C1QL4: variants seen among roughly 807,000 people sequenced by gnomAD.
C1QL4 encodes the protein complement C1q-like protein 4.
Under a neutral mutation model 13.4 loss-of-function variants are expected in C1QL4, and 5 were observed. That is an observed-to-expected ratio of 0.37 (90% CI 0.19 to 0.78). The LOEUF (loss-of-function observed/expected upper bound fraction) is 0.78, where lower values mean the gene tolerates loss of function less well. Ranked by LOEUF, C1QL4 falls within the 30% of genes least tolerant of loss-of-function variation. The pLI is 0.47. For synonymous variants in C1QL4, 168 were observed against 153.9 expected, an observed-to-expected ratio of 1.09 and a Z score of -0.68; for missense variants, 367 against 361.6, an observed-to-expected ratio of 1.01 and a Z score of -0.12.
At chr12:49,333,288 G>T in intron 1 of C1QL4, 55 bp from the exon 2 acceptor site, 1 of 1,546,268 alleles carries the variant, frequency 6.5e-7, no homozygotes. Context: ...GTGACGAGAG[G>T]GGTCGGGGCG....
Position 49,336,075 on chromosome 12 carries a change from C to T in C1QL4, c.403G>A (p.Val135Met), listed in dbSNP as rs779720710. The stretch of plus-strand genomic sequence containing the variant: ...CTGGCTGCCTCGTAGGCGTTGCCCA[C>T]GTTGGTCACCACGTCGTCGAAGCGC... Reference protein sequence around the residue: ...VLRFDDVVTNVGNAYEAASGK... With the variant: ...VLRFDDVVTNMGNAYEAASGK... Residue 135 changes from valine (V) to methionine (M), a missense_variant, in exon 1 of 2, where the codon GTG (valine) becomes ATG (methionine). Val to Met is a conservative substitution (Grantham distance 21). Coordinates refer to ENST00000334221, the MANE Select transcript of C1QL4 (RefSeq NM_001008223.2). The surrounding 1 kb of genome is among the most constrained non-coding windows in gnomAD (Gnocchi z 7.7). 4 of 1,612,478 alleles carry T rather than the reference C, an allele frequency of 2.5e-6. No individual in the cohort carries two copies. The highest frequency in any genetic ancestry group is 1.9e-4 in the Middle Eastern group (1 of 5,162).
At position 49,335,921 on chromosome 12, in the gene C1QL4, T is replaced by G. The variant is rs767546603; in HGVS notation, c.537+20A>C. 3 of 1,588,092 alleles carry G rather than the reference T, an allele frequency of 1.9e-6. No homozygotes were observed. In the East Asian group the frequency reaches 6.9e-5, roughly 36 times the overall value. On this transcript the variant is annotated intron_variant, in intron 1 of 1. Coordinates refer to ENST00000334221, the MANE Select transcript of C1QL4 (RefSeq NM_001008223.2). ...AGAGAGCGACCAGTCTGAGCTGGGTTGGGGAGAGGGGCATCTCACCTGTCC... is the reference window on the plus strand; with the variant it reads ...AGAGAGCGACCAGTCTGAGCTGGGTGGGGGAGAGGGGCATCTCACCTGTCC...
rs565969136 is a variant in C1QL4 at position 49,336,486 on chromosome 12, C to A, written c.-9G>T. On this transcript the variant is annotated 5_prime_UTR_variant, in exon 1 of 2. Transcript: ENST00000334221. This position sits in a 1 kb window ranked among gnomAD's most constrained non-coding sequence, Gnocchi z 7.7. ...AGCAGCAGCAGCACCATGGCCACTC[C>A]GACGGCCGCGCCCGCCACCCTCTTG... 3 of 1,491,530 alleles carry A rather than the reference C, an allele frequency of 2.0e-6. No homozygotes were observed. The highest frequency in any genetic ancestry group is 2.7e-5 in the East Asian group (1 of 37,366). The allele number at this position is 1,491,530 out of a possible 1,614,324, so 92.4% of individuals were successfully genotyped here. A position where few individuals can be genotyped will look rare whatever the true frequency, so the allele number is the denominator to read the frequency against.
At chr12:49,334,536 T>G (rs1031748395) in intron 1 of C1QL4, among the ~76,000 whole-genome samples, 3 of 152,192 alleles carry the variant, frequency 2.0e-5, no homozygotes, top group Non-Finnish European at 2.9e-5. Flanking sequence ...ATTAACTCAT[T>G]AATTATTCAT....
In C1QL4 at chr12:49,336,104, A is replaced by C. The variant is rs1470944053; in HGVS notation, c.374T>G (p.Val125Gly). The change falls in exon 1 of 2, where the codon GTG becomes GGG. Residue 125 changes from valine to glycine, a missense_variant. Physicochemically the swap from Val to Gly is moderately radical, Grantham distance 109. Transcript: ENST00000334221. This position sits in a 1 kb window ranked among gnomAD's most constrained non-coding sequence, Gnocchi z 7.7. Reference protein sequence around the residue: ...GLRRPHEGYEVLRFDDVVTNV... With the variant: ...GLRRPHEGYEGLRFDDVVTNV... ...GGTCACCACGTCGTCGAAGCGCAGC[A>C]CCTCGTAACCCTCGTGGGGCCGCCG... The C allele has an allele frequency of 6.2e-7, 1 of 1,611,948 alleles. No homozygotes were observed. The highest frequency in any genetic ancestry group is 2.2e-5 in the East Asian group (1 of 44,864).
intron 1 of C1QL4, among the ~76,000 whole-genome samples, chr12:49,334,145 A>G (rs1943613250): frequency 6.6e-6 from 1 of 152,158 alleles, no homozygotes; most frequent in Admixed American, 6.5e-5. Context: ...GTGAGCCGAG[A>G]TAGCGCCATT....
At position 49,336,584 on chromosome 12, in the gene C1QL4, G is replaced by C. The variant is rs1227194579; in HGVS notation, c.-107C>G. On this transcript the variant is annotated 5_prime_UTR_variant, in exon 1 of 2. Coordinates refer to ENST00000334221, the MANE Select transcript of C1QL4 (RefSeq NM_001008223.2). The surrounding 1 kb of genome is among the most constrained non-coding windows in gnomAD (Gnocchi z 7.7). ...CTTGGGCGCAATGGCTGCCGGGGCC[G>C]GGGCTCTCCGCGGGCCAGGAGGCGG... The C allele has an allele frequency of 1.6e-6, 2 of 1,276,472 alleles. No individual in the cohort carries two copies. Among genetic ancestry groups the C allele is most frequent in the South Asian group, 1.8e-5 (1 of 54,436 alleles). The allele number at this position is 1,276,472 out of a possible 1,614,324, so 79.1% of individuals were successfully genotyped here. A position where few individuals can be genotyped will look rare whatever the true frequency, so the allele number is the denominator to read the frequency against.
intron 1 of C1QL4, among the ~76,000 whole-genome samples, chr12:49,333,827 C>G (rs1256441611): frequency 6.6e-6 from 1 of 151,606 alleles, no homozygotes; most frequent in Non-Finnish European, 1.5e-5. Flanking sequence ...CGTGAGCCAC[C>G]GCGCCTGGCT....
Position 49,336,447 on chromosome 12 carries a change from G to A in C1QL4, c.31C>T (p.Leu11=). ...GGCCCGCGGGAGCTGTGCACCAGCAGCGGGATGGCCACCAGCAGCAGCAGC... is the reference window on the plus strand; with the variant it reads ...GGCCCGCGGGAGCTGTGCACCAGCAACGGGATGGCCACCAGCAGCAGCAGC... MVLLLLVAIP[L]LVHSSRGPAH... Residue 11 remains leucine, a synonymous_variant, in exon 1 of 2, where the codon CTG becomes TTG. Coordinates refer to ENST00000334221, the MANE Select transcript of C1QL4 (RefSeq NM_001008223.2). This position sits in a 1 kb window ranked among gnomAD's most constrained non-coding sequence, Gnocchi z 7.7. 1 of 1,549,590 alleles carries A rather than the reference G, an allele frequency of 6.5e-7. No homozygotes were observed. Among genetic ancestry groups the A allele is most frequent in the Non-Finnish European group, 8.6e-7 (1 of 1,161,128 alleles).
At chr12:49,334,571 T>C (rs924844152) in intron 1 of C1QL4, among the ~76,000 whole-genome samples, 20 of 152,098 alleles carry the variant, frequency 1.3e-4, no homozygotes, top group African/African-American at 4.6e-4. Flanking sequence ...CTATTTACCG[T>C]CCCCAGGGCC....
Position 49,333,090 on chromosome 12 carries a change from G to A in C1QL4, c.681C>T (p.Tyr227=), listed in dbSNP as rs1291757814. 1 of 1,614,044 alleles carries A rather than the reference G, an allele frequency of 6.2e-7. No homozygotes were observed. The highest frequency in any genetic ancestry group is 8.5e-7 in the Non-Finnish European group (1 of 1,179,946). Residue 227 remains tyrosine (Y), a synonymous_variant, in exon 2 of 2, where the codon TAC becomes TAT. Coordinates refer to ENST00000334221, the MANE Select transcript of C1QL4 (RefSeq NM_001008223.2). ...GKVHGGNTNK[Y]STFSGFIIYP... ...AGATGATGAAGCCGGAGAAGGTGCT[G>A]TACTTGTTGGTGTTGCCGCCGTGCA...
At chr12:49,334,221 G>C (rs1437320007) in intron 1 of C1QL4, among the ~76,000 whole-genome samples, 1 of 152,182 alleles carries the variant, frequency 6.6e-6, no homozygotes, top group African/African-American at 2.4e-5. Context: ...ATAAAATTTT[G>C]CCTATAGGAT....
chr12:49,334,616 T>C (rs554328105), intron 1 of C1QL4, among the ~76,000 whole-genome samples: 1 of 152,266 alleles, frequency 6.6e-6, no homozygotes, highest in Non-Finnish European at 1.5e-5. Flanking sequence ...GAGTGGGAGC[T>C]GCGCAGTCCC....
At chr12:49,334,032 A>G (rs1417938909) in intron 1 of C1QL4, among the ~76,000 whole-genome samples, 1 of 151,422 alleles carries the variant, frequency 6.6e-6, no homozygotes, top group Non-Finnish European at 1.5e-5. Flanking sequence ...CGTCTCTACT[A>G]AAAATACAAA....
At position 49,336,026 on chromosome 12, in the gene C1QL4, G is replaced by A. The variant is rs1270311689; in HGVS notation, c.452C>T (p.Pro151Leu). 2 of 1,611,718 alleles carry A rather than the reference G, an allele frequency of 1.2e-6. No individual in the cohort carries two copies. The highest frequency in any genetic ancestry group is 1.1e-5 in the South Asian group (1 of 90,892). Residue 151 changes from proline to leucine, a missense_variant, in exon 1 of 2, where the codon CCA (proline) becomes CTA (leucine). Pro to Leu is a moderately conservative substitution (Grantham distance 98). Transcript: ENST00000334221. The surrounding 1 kb of genome is among the most constrained non-coding windows in gnomAD (Gnocchi z 7.7). Reference protein sequence around the residue: ...AASGKFTCPMPGVYFFAYHVL... With the variant: ...AASGKFTCPMLGVYFFAYHVL... ...GTGGTAAGCGAAGAAGTAGACGCCT[G>A]GCATGGGGCAAGTAAACTTGCCGCT...
chr12:49,333,039 C>A lies in C1QL4; in HGVS notation c.*15G>T, dbSNP rs760244660. 3 of 1,585,740 alleles carry A rather than the reference C, an allele frequency of 1.9e-6. No individual in the cohort carries two copies. The highest frequency in any genetic ancestry group is 2.6e-6 in the Non-Finnish European group (3 of 1,163,004). On this transcript the variant is annotated 3_prime_UTR_variant, in exon 2 of 2. Transcript: ENST00000334221. ...GGGAGAGAAGGGGCGAGCGGGGGCA[C>A]GGGGCGGGGCCGGCTCAGTCGGGGT...
Position 49,337,113 on chromosome 12 carries a change from G to T in C1QL4, c.-636C>A, listed in dbSNP as rs1027490044. Reference sequence around the variant, plus strand: ...CCAGTCCCTGCTAGAGCCCTGGCCCGCGCCTCTCTCCTGCGGGCGCGGTCC... The same window carrying T: ...CCAGTCCCTGCTAGAGCCCTGGCCCTCGCCTCTCTCCTGCGGGCGCGGTCC... On this transcript the variant is annotated 5_prime_UTR_variant, in exon 1 of 2. Transcript: ENST00000334221. 3 of 152,214 alleles carry T rather than the reference G, an allele frequency of 2.0e-5. No homozygotes were observed. The highest frequency in any genetic ancestry group is 7.2e-5 in the African/African-American group (3 of 41,440). The allele number at this position is 152,214 out of a possible 1,614,324, so 9.4% of individuals were successfully genotyped here.
Position 49,336,345 on chromosome 12 carries a change from C to G in C1QL4, c.133G>C (p.Ala45Pro). The change falls in exon 1 of 2, where the codon GCG (alanine) becomes CCG (proline). Residue 45 changes from alanine (A) to proline (P), a missense_variant. Physicochemically the swap from Ala to Pro is conservative, Grantham distance 27. Coordinates refer to ENST00000334221, the MANE Select transcript of C1QL4 (RefSeq NM_001008223.2). The surrounding 1 kb of genome is among the most constrained non-coding windows in gnomAD (Gnocchi z 7.7). ...GGGAAGGGGGGCACGGAAGCAGGCG[C>G]GCCGTCGGGACCAGGGCCACGGGGC... ...HGPRGPGPDG[A>P]PASVPPFPPG... 7.0e-7 allele frequency: 1 copy of G among 1,428,300 alleles called. No individual in the cohort carries two copies. Among genetic ancestry groups the G allele is most frequent in the South Asian group, 1.5e-5 (1 of 67,458 alleles). The allele number at this position is 1,428,300 out of a possible 1,614,324, so 88.5% of individuals were successfully genotyped here. A position where few individuals can be genotyped will look rare whatever the true frequency, so the allele number is the denominator to read the frequency against.
Position 49,336,326 on chromosome 12 carries a change from G to T in C1QL4, c.152C>A (p.Pro51His), listed in dbSNP as rs749355760. ...CTCTCCCTTGGCGCCTGGCGGGAAG[G>T]GGGGCACGGAAGCAGGCGCGCCGTC... is the stretch of plus-strand genomic sequence containing the variant. ...GPDGAPASVPPFPPGAKGEVG... is the reference protein window; with the variant it reads ...GPDGAPASVPHFPPGAKGEVG... Residue 51 changes from proline to histidine, a missense_variant, in exon 1 of 2, where the codon CCC (proline) becomes CAC (histidine). Coordinates refer to ENST00000334221, the MANE Select transcript of C1QL4 (RefSeq NM_001008223.2). The surrounding 1 kb of genome is among the most constrained non-coding windows in gnomAD (Gnocchi z 7.7). 2.8e-6 allele frequency: 4 copies of T among 1,421,978 alleles called. No individual in the cohort carries two copies. The highest frequency in any genetic ancestry group is 3.6e-6 in the Non-Finnish European group (4 of 1,097,470). The allele number at this position is 1,421,978 out of a possible 1,614,324, so 88.1% of individuals were successfully genotyped here. A position where few individuals can be genotyped will look rare whatever the true frequency, so the allele number is the denominator to read the frequency against.
Sources: allele counts gnomAD v4.1 joint callset (sites outside exome capture counted in the v4.1 genomes callset), GRCh38; gene constraint gnomAD v4.1.1; non-coding constraint Gnocchi (gnomAD v3.1); transcripts MANE v1.5; gene names NCBI Gene and HGNC (gene_info 2026-07-23, HGNC 2026-07-21).